The following ZYG11A variants were observed in gnomAD, a reference collection of about 807,000 sequenced individuals.
The protein encoded by ZYG11A is protein zyg-11 homolog A.
ZYG11A carries 62 observed loss-of-function variants against 77.2 expected under a neutral mutation model. That is an observed-to-expected ratio of 0.80 (90% CI 0.65 to 0.99). The LOEUF (loss-of-function observed/expected upper bound fraction) is 0.99, where lower values mean the gene tolerates loss of function less well. ZYG11A is among the 50% of genes least tolerant of loss of function. ZYG11A has a pLI of 0.00. For missense variants in ZYG11A, 828 were observed against 896.8 expected (o/e 0.92, Z 0.98); for synonymous variants, 315 against 324.6 (o/e 0.97, Z 0.32).
At position 52,846,310 on chromosome 1, in the gene ZYG11A, TTATATA is replaced by T. The variant is rs869093943; in HGVS notation, c.90+3389_90+3394del. ...TTGGAAATCATGGCTTTTTAAATTT[TTATATA>T]TATATATATATATATATATATATAT... On this transcript the variant is annotated intron_variant, in intron 1 of 13. Transcript: ENST00000371528. Among the ~76,000 whole-genome samples the T allele has an allele frequency of 8.6e-3, 306 of 35,412 alleles. 3 individuals carry two copies. Among genetic ancestry groups the T allele is most frequent in the Non-Finnish European group, 0.015 (189 of 12,898 alleles). The allele number at this position is 35,412 out of a possible 152,430, so 23.2% of individuals were successfully genotyped here.
chr1:52,857,546 C>T lies in ZYG11A; in HGVS notation c.805C>T (p.Leu269Phe), dbSNP rs1645837656. The change falls in exon 3 of 14, where the codon CTC becomes TTC. Residue 269 changes from leucine (L) to phenylalanine (F), a missense_variant. Transcript: ENST00000371528. ...CCTTGATATTTCTGATCACAGGCAACTCAAATCAGACCTAGCTTTTCATTT... is the reference window on the plus strand; with the variant it reads ...CCTTGATATTTCTGATCACAGGCAATTCAAATCAGACCTAGCTTTTCATTT... Reference protein sequence around the residue: ...LHLDISDHRQLKSDLAFHLLQ... With the variant: ...LHLDISDHRQFKSDLAFHLLQ... 1 of 1,552,030 alleles carries T rather than the reference C, an allele frequency of 6.4e-7. No individual in the cohort carries two copies. The highest frequency in any genetic ancestry group is 1.2e-5 in the South Asian group (1 of 84,050).
Position 52,881,299 on chromosome 1 carries a change from C to A in ZYG11A, c.1750-172C>A, listed in dbSNP as rs995891120. 3 of 502,652 alleles carry A rather than the reference C, an allele frequency of 6.0e-6. No individual in the cohort carries two copies. The Admixed American group carries it at 1.1e-4, about 18-fold the overall frequency. 31.1% of individuals were successfully genotyped at this position (502,652 alleles called of 1,614,324 possible). A position where few individuals can be genotyped will look rare whatever the true frequency, so the allele number is the denominator to read the frequency against. On this transcript the variant is annotated intron_variant, in intron 10 of 13. Transcript: ENST00000371528. ...TTTAGTGATTGTTGTTAATGATCAT[C>A]CTCATCAAGGGAGTTGGATTGTGGG...
At chr1:52,856,590 AATAT>A in intron 2 of ZYG11A, among the ~76,000 whole-genome samples, 1 of 152,300 alleles carries the variant, frequency 6.6e-6, no homozygotes, top group Non-Finnish European at 1.5e-5. Context: ...GGTTAAAAAT[AATAT>A]TAGTAGTGCT....
intron 1 of ZYG11A, among the ~76,000 whole-genome samples, chr1:52,844,232 T>A (rs1645519293): frequency 1.3e-5 from 2 of 152,160 alleles, no homozygotes; most frequent in Non-Finnish European, 1.5e-5. Flanking sequence ...GAGAAGGAAA[T>A]GTTCTGATTA....
intron 1 of ZYG11A, among the ~76,000 whole-genome samples, chr1:52,849,683 C>T (rs1192996223): frequency 9.8e-6 from 1 of 101,812 alleles, no homozygotes; most frequent in East Asian, 2.3e-4. Context: ...TTCAATTATA[C>T]ATTTCTTTTT....
At position 52,860,601 on chromosome 1, in the gene ZYG11A, C is replaced by T. The variant is rs1645909449; in HGVS notation, c.1009-130C>T. The T allele has an allele frequency of 8.5e-6, 9 of 1,056,460 alleles. No individual in the cohort carries two copies. In the South Asian group the frequency reaches 1.5e-4, roughly 17 times the overall value. 65.4% of individuals were successfully genotyped at this position (1,056,460 alleles called of 1,614,324 possible). On this transcript the variant is annotated intron_variant, in intron 3 of 13. Transcript: ENST00000371528. ...CGTGAGCCACTGCGCCTGGCCAACA[C>T]CTGGAACATTTAATTGAACATTTGT... is the stretch of plus-strand genomic sequence containing the variant.
Position 52,864,154 on chromosome 1 carries a change from G to T in ZYG11A, c.1323G>T (p.Gln441His). Residue 441 changes from glutamine (Q) to histidine (H), a missense_variant, in exon 5 of 14, where the codon CAG (glutamine) becomes CAT (histidine). Transcript: ENST00000371528. Reference protein sequence around the residue: ...FKALKNFPHYQQLQKNCLLSL... With the variant: ...FKALKNFPHYHQLQKNCLLSL... Reference sequence around the variant, plus strand: ...CTCTGAAAAATTTCCCCCATTACCAGCAGGTAATTTCAATTGAATATTTGT... The same window carrying T: ...CTCTGAAAAATTTCCCCCATTACCATCAGGTAATTTCAATTGAATATTTGT... The T allele has an allele frequency of 6.4e-6, 10 of 1,551,150 alleles. No individual in the cohort carries two copies. The highest frequency in any genetic ancestry group is 8.7e-6 in the Non-Finnish European group (10 of 1,146,824).
intron 6 of ZYG11A, 43 bp downstream of exon 6, chr1:52,866,610 G>C: frequency 1.6e-6 from 2 of 1,254,412 alleles, no homozygotes; most frequent in Non-Finnish European, 2.3e-6. Context: ...GTTGGCCTTT[G>C]GTTATTAAAT....
intron 8 of ZYG11A, among the ~76,000 whole-genome samples, chr1:52,872,603 A>T (rs1372609742): frequency 6.7e-6 from 1 of 149,578 alleles, no homozygotes; most frequent in East Asian, 2.0e-4. Context: ...TTTTGTGGCC[A>T]GGTGTGGTGG....
intron 13 of ZYG11A, among the ~76,000 whole-genome samples, chr1:52,892,302 C>T (rs1321733395): frequency 7.2e-4 from 106 of 147,424 alleles, no homozygotes; most frequent in African/African-American, 2.1e-3. Flanking sequence ...CCGAGGCGGG[C>T]GGATCATGAG....
chr1:52,874,491 A>G (rs1346444437), intron 8 of ZYG11A, among the ~76,000 whole-genome samples: 6 of 151,966 alleles, frequency 3.9e-5, no homozygotes, highest in Non-Finnish European at 2.9e-5. Context: ...GGCTCAAGCG[A>G]TTCTCCTGCC....
At chr1:52,847,195 T>A (rs1303423176) in intron 1 of ZYG11A, among the ~76,000 whole-genome samples, 1 of 152,130 alleles carries the variant, frequency 6.6e-6, no homozygotes, top group South Asian at 2.1e-4. Flanking sequence ...GCCTCCTGAA[T>A]AGCTGGGATT....
At position 52,869,950 on chromosome 1, in the gene ZYG11A, C is replaced by T. The variant is rs1486555808; in HGVS notation, c.1542+2173C>T. On this transcript the variant is annotated intron_variant, in intron 8 of 13. Transcript: ENST00000371528. ...CTCCCTCCCAGACAGGGTGGCTGGCCGGGCGGGGGGCTGACCCCCCCCCAC... is the reference window on the plus strand; with the variant it reads ...CTCCCTCCCAGACAGGGTGGCTGGCTGGGCGGGGGGCTGACCCCCCCCCAC... 1.0e-4 allele frequency among the ~76,000 whole-genome samples: 15 copies of T among 143,078 alleles called. No homozygotes were observed. In the East Asian group the frequency reaches 1.6e-3, roughly 16 times the overall value. 93.9% of individuals were successfully genotyped at this position (143,078 alleles called of 152,430 possible). A position where few individuals can be genotyped will look rare whatever the true frequency, so the allele number is the denominator to read the frequency against.
chr1:52,856,913 A>G (rs781035676), intron 2 of ZYG11A, 85 bp from the exon 3 acceptor site: 8 of 1,348,912 alleles, frequency 5.9e-6, no homozygotes, highest in South Asian at 1.5e-5. Flanking sequence ...TATTATTAAC[A>G]TCTGTCTTAA....
chr1:52,887,300 A>G (rs558471283), intron 13 of ZYG11A, among the ~76,000 whole-genome samples: 1 of 152,302 alleles, frequency 6.6e-6, no homozygotes, highest in African/African-American at 2.4e-5. Flanking sequence ...CCCCACAGAC[A>G]AGCACCGTTA....
intron 8 of ZYG11A, among the ~76,000 whole-genome samples, chr1:52,871,367 TTC>T (rs1646161927): frequency 6.6e-6 from 1 of 152,204 alleles, no homozygotes; most frequent in Non-Finnish European, 1.5e-5. Context: ...TCAAGTTTTC[TTC>T]TCTGTGTGTT....
Position 52,854,417 on chromosome 1 carries a change from T to C in ZYG11A, c.91-48T>C. On this transcript the variant is annotated intron_variant, in intron 1 of 13. Coordinates refer to ENST00000371528, the MANE Select transcript of ZYG11A (RefSeq NM_001004339.3). ...TGGCATGACCAGTTTTATGTTGAAT[T>C]GTTGCAGATGTATTCTAACAAAGTT... 2.0e-6 allele frequency: 3 copies of C among 1,480,800 alleles called. No individual in the cohort carries two copies. The African/African-American group carries it at 4.2e-5, about 21-fold the overall frequency. 91.7% of individuals were successfully genotyped at this position (1,480,800 alleles called of 1,614,324 possible).
chr1:52,846,223 A>G (rs1329833152), intron 1 of ZYG11A, among the ~76,000 whole-genome samples: 2 of 150,418 alleles, frequency 1.3e-5, no homozygotes, highest in African/African-American at 4.9e-5. Flanking sequence ...CTGCCTGTTA[A>G]TGAAATTTGC....
At chr1:52,879,095 T>C (rs1646317323) in intron 10 of ZYG11A, among the ~76,000 whole-genome samples, 1 of 152,184 alleles carries the variant, frequency 6.6e-6, no homozygotes, top group Non-Finnish European at 1.5e-5. Flanking sequence ...TTGATACTTA[T>C]GTACTGACTC....
Sources: allele counts gnomAD v4.1 joint callset (sites outside exome capture counted in the v4.1 genomes callset), GRCh38; gene constraint gnomAD v4.1.1; transcripts MANE v1.5; gene names NCBI Gene and HGNC (gene_info 2026-07-23, HGNC 2026-07-21).